Variants in PKD1L1 observed in about 807,000 individuals in gnomAD.
PKD1L1 encodes the protein polycystin 1 like 1, transient receptor potential channel interacting.
Under a neutral mutation model 323.4 loss-of-function variants are expected in PKD1L1, and 236 were observed. That is an observed-to-expected ratio of 0.73 (90% CI 0.66 to 0.81). PKD1L1 has a LOEUF of 0.81. PKD1L1 is among the 40% of genes least tolerant of loss of function. PKD1L1 has a pLI of 0.00. For synonymous variants in PKD1L1, 1,344 were observed against 1,335.0 expected, an observed-to-expected ratio of 1.01 and a Z score of -0.15; for missense variants, 3,320 against 3,508.0, an observed-to-expected ratio of 0.95 and a Z score of 1.35.
intron 31 of PKD1L1, among the ~76,000 whole-genome samples, chr7:47,851,215 C>T (rs1003146819): frequency 2.0e-5 from 3 of 152,238 alleles, no homozygotes; most frequent in South Asian, 4.2e-4. Context: ...AGGACATGGC[C>T]GGTTCCAAGG....
At chr7:47,895,151 G>A (rs1786909035) in intron 14 of PKD1L1, among the ~76,000 whole-genome samples, 1 of 152,176 alleles carries the variant, frequency 6.6e-6, no homozygotes, top group Non-Finnish European at 1.5e-5. Flanking sequence ...GGAAGATGCA[G>A]GGCTGTTCAG....
At chr7:47,818,081 C>T (rs1323313486) in intron 46 of PKD1L1, 3 of 1,367,570 alleles carry the variant, frequency 2.2e-6, no homozygotes, top group Middle Eastern at 2.1e-4. Flanking sequence ...TTTTGTCAAA[C>T]TATCAAATGC....
intron 46 of PKD1L1, chr7:47,817,943 T>C: frequency 2.0e-6 from 2 of 1,004,544 alleles, no homozygotes; most frequent in South Asian, 3.2e-5. Flanking sequence ...TTATTTCTTT[T>C]TTCTTACGAA....
intron 1 of PKD1L1, among the ~76,000 whole-genome samples, chr7:47,944,609 C>T (rs1016100421): frequency 4.6e-5 from 7 of 152,250 alleles, no homozygotes; most frequent in Admixed American, 4.6e-4. Context: ...CTTCAAAGCT[C>T]TCTACAGGTG....
At position 47,803,285 on chromosome 7, in the gene PKD1L1, A is replaced by C. The variant is rs1784705966; in HGVS notation, c.7887T>G (p.Leu2629=). 1 of 1,614,180 alleles carries C rather than the reference A, an allele frequency of 6.2e-7. No individual in the cohort carries two copies. Among genetic ancestry groups the C allele is most frequent in the Non-Finnish European group, 8.5e-7 (1 of 1,180,026 alleles). ...LFLFTLKCVY[L]PGIQNTMASC... ...ATGCCATTGTGTTTTGAATGCCAGG[A>C]AGATAGACGCATTTTAATGTGAAGA... is the stretch of plus-strand genomic sequence containing the variant. Residue 2629 remains leucine (L), a synonymous_variant, in exon 53 of 57, where the codon CTT becomes CTG. Transcript: ENST00000289672.
chr7:47,829,484 T>C lies in PKD1L1; in HGVS notation c.6676A>G (p.Thr2226Ala), dbSNP rs1424722047. 4 of 1,613,792 alleles carry C rather than the reference T, an allele frequency of 2.5e-6. No homozygotes were observed. The highest frequency in any genetic ancestry group is 3.4e-6 in the Non-Finnish European group (4 of 1,179,950). The part of the protein sequence containing the change: ...LDSELAERSW[T>A]RLPFSSSCSI... ...CAGCTTGAAGAGAAGGGGAGGCGAG[T>C]CCAGGAACGTTCTGCCAATTCAGAG... The change falls in exon 44 of 57, where the codon ACT becomes GCT. Residue 2226 changes from threonine to alanine, a missense_variant. Coordinates refer to ENST00000289672, the MANE Select transcript of PKD1L1 (RefSeq NM_138295.5).
At chr7:47,825,518 C>T (rs910449853) in intron 45 of PKD1L1, among the ~76,000 whole-genome samples, 2 of 144,828 alleles carry the variant, frequency 1.4e-5, no homozygotes, top group Admixed American at 7.0e-5. Flanking sequence ...GCAACAAGAG[C>T]GAAACTCTGT....
intron 55 of PKD1L1, among the ~76,000 whole-genome samples, chr7:47,794,943 T>C (rs1388391239): frequency 7.9e-5 from 12 of 152,238 alleles, no homozygotes; most frequent in African/African-American, 2.7e-4. Flanking sequence ...AACAGTTGTA[T>C]TTACCCAATC....
chr7:47,929,605 C>T, intron 6 of PKD1L1, 79 bp from the exon 7 acceptor site: 1 of 1,355,856 alleles, frequency 7.4e-7, no homozygotes, highest in Non-Finnish European at 1.0e-6. Context: ...AGCAGCCTGG[C>T]CTGGGTCCAG....
At position 47,890,533 on chromosome 7, in the gene PKD1L1, G is replaced by A. The variant is rs745783670; in HGVS notation, c.2675+9C>T. ...TGAGCTGAGCTGTGCTGAATACAGG[G>A]TCAGGTACCTGAACGCCGAGTCAGG... On this transcript the variant is annotated intron_variant, in intron 16 of 56. Transcript: ENST00000289672. The A allele has an allele frequency of 2.5e-6, 4 of 1,613,136 alleles. No individual in the cohort carries two copies. In the East Asian group the frequency reaches 8.9e-5, roughly 36 times the overall value.
In PKD1L1 at chr7:47,839,600, GA is replaced by G; in HGVS notation, c.5614del (p.Ser1872ProfsTer9). ...IRLWHDSRGP[S>X]PGWFISHVMV... ...CACGTGGCTGATGAACCAGCCTGGG[GA>G]AGGCCCACGGCTGTCGTGCCAGAGG... On this transcript the variant is annotated frameshift_variant, in exon 36 of 57. Coordinates refer to ENST00000289672, the MANE Select transcript of PKD1L1 (RefSeq NM_138295.5). LOFTEE classifies it high-confidence loss of function. This position sits in a 1 kb window ranked among gnomAD's most constrained non-coding sequence, Gnocchi z 4.3. 6.3e-7 allele frequency: 1 copy of G among 1,596,940 alleles called. No individual in the cohort carries two copies. The highest frequency in any genetic ancestry group is 8.5e-7 in the Non-Finnish European group (1 of 1,172,008).
chr7:47,916,081 G>T (rs1787423831), intron 7 of PKD1L1, among the ~76,000 whole-genome samples: 1 of 152,122 alleles, frequency 6.6e-6, no homozygotes, highest in Non-Finnish European at 1.5e-5. Context: ...AAAAGACAAA[G>T]AAAACTTTCA....
intron 20 of PKD1L1, 29 bp from the exon 21 acceptor site, chr7:47,880,834 T>C (rs765161741): frequency 2.2e-5 from 34 of 1,565,788 alleles, no homozygotes; most frequent in Non-Finnish European, 2.7e-5. Flanking sequence ...TGCATGGAAA[T>C]GACAGTCAGT....
At chr7:47,891,696 G>A (rs1786822042) in intron 15 of PKD1L1, among the ~76,000 whole-genome samples, 1 of 152,208 alleles carries the variant, frequency 6.6e-6, no homozygotes, top group Non-Finnish European at 1.5e-5. Context: ...AACTGCCCCT[G>A]GGGTTTAGCT....
intron 7 of PKD1L1, among the ~76,000 whole-genome samples, chr7:47,924,634 A>G (rs999269630): frequency 5.3e-5 from 8 of 152,222 alleles, no homozygotes; most frequent in Non-Finnish European, 7.3e-5. Flanking sequence ...TGTGGCTTTA[A>G]TCTTCAGACA....
At chr7:47,880,593 T>C (rs1355348784) in intron 21 of PKD1L1, 135 bp downstream of exon 21, 1 of 426,128 alleles carries the variant, frequency 2.3e-6, no homozygotes, top group East Asian at 4.0e-5. Flanking sequence ...TATATATATG[T>C]AATTTTTTAA....
At chr7:47,811,053 C>T (rs1422619509) in intron 50 of PKD1L1, among the ~76,000 whole-genome samples, 1 of 152,068 alleles carries the variant, frequency 6.6e-6, no homozygotes, top group Admixed American at 6.5e-5. Flanking sequence ...CGTGAGAAGG[C>T]GGCCATCTCC....
chr7:47,849,677 C>CA (rs1330715377), intron 31 of PKD1L1, among the ~76,000 whole-genome samples: 2 of 146,642 alleles, frequency 1.4e-5, no homozygotes, highest in Non-Finnish European at 3.0e-5. Flanking sequence ...TTTTAAAAGT[C>CA]AAAAAATAAT....
chr7:47,835,366 T>C (rs1785435875), intron 37 of PKD1L1, 123 bp from the exon 38 acceptor site: 1 of 593,560 alleles, frequency 1.7e-6, no homozygotes, highest in Non-Finnish European at 2.9e-6. Context: ...AAAAGTGCTC[T>C]CTTCATGAAT....
Sources: allele counts gnomAD v4.1 joint callset (sites outside exome capture counted in the v4.1 genomes callset), GRCh38; gene constraint gnomAD v4.1.1; non-coding constraint Gnocchi (gnomAD v3.1); transcripts MANE v1.5; gene names NCBI Gene and HGNC (gene_info 2026-07-23, HGNC 2026-07-21).